ETS1: variants seen among roughly 807,000 people sequenced by gnomAD.
ETS1 encodes ETS proto-oncogene 1, transcription factor.
Under a neutral mutation model 58.6 loss-of-function variants are expected in ETS1, and 15 were observed. The observed-to-expected ratio is 0.26, with a 90% CI of 0.17 to 0.39. The LOEUF is 0.39. Ranked by LOEUF, ETS1 falls within the 10% of genes least tolerant of loss-of-function variation. The pLI is 1.00. For missense variants in ETS1, 417 were observed against 610.5 expected (o/e 0.68, Z 3.34); for synonymous variants, 214 against 218.2 (o/e 0.98, Z 0.17).
Position 128,538,935 on chromosome 11 carries a change from C to T in ETS1, c.214+17356G>A, listed in dbSNP as rs983020875. ...GACATATGTATTTAAAAATCTCTAT[C>T]CACGACAGTGGACAGACAATGGAGA... On this transcript the variant is annotated intron_variant, in intron 3 of 9. Transcript: ENST00000392668. Among the ~76,000 whole-genome samples the T allele has an allele frequency of 3.9e-5, 6 of 152,180 alleles. No individual in the cohort carries two copies. The South Asian group carries it at 6.2e-4, about 16-fold the overall frequency.
intron 3 of ETS1, chr11:128,521,882 T>C (rs765195201): frequency 6.4e-7 from 1 of 1,571,682 alleles, no homozygotes; most frequent in East Asian, 2.4e-5. Context: ...GGCCGAGAGC[T>C]TGGGTGGGGG....
At chr11:128,553,864 G>C (rs888200426) in intron 3 of ETS1, among the ~76,000 whole-genome samples, 1 of 152,132 alleles carries the variant, frequency 6.6e-6, no homozygotes, top group African/African-American at 2.4e-5. Flanking sequence ...GAACGTGAAG[G>C]GGGAGCAGTG....
At chr11:128,510,043 G>A (rs1382636178) in intron 3 of ETS1, among the ~76,000 whole-genome samples, 1 of 152,206 alleles carries the variant, frequency 6.6e-6, no homozygotes, top group East Asian at 1.9e-4. Context: ...GCATCCAGCA[G>A]TTTTGAAGAA....
chr11:128,571,031 G>C (rs1864615489), intron 2 of ETS1, among the ~76,000 whole-genome samples: 1 of 152,084 alleles, frequency 6.6e-6, no homozygotes, highest in African/African-American at 2.4e-5. Flanking sequence ...GAAAAATGTG[G>C]TAAAAACAGC....
chr11:128,523,859 G>A (rs1295146170), intron 3 of ETS1, among the ~76,000 whole-genome samples: 2 of 151,586 alleles, frequency 1.3e-5, no homozygotes, highest in Non-Finnish European at 2.9e-5. Context: ...CTGGTCCTGG[G>A]AAAAGCCTAG....
intron 2 of ETS1, among the ~76,000 whole-genome samples, chr11:128,563,603 G>A (rs1348267502): frequency 1.3e-5 from 2 of 152,132 alleles, no homozygotes; most frequent in African/African-American, 4.8e-5. Context: ...CCTTACGACT[G>A]ACAACCTTCA....
chr11:128,496,658 A>G (rs1862950172), intron 3 of ETS1, among the ~76,000 whole-genome samples: 1 of 152,206 alleles, frequency 6.6e-6, no homozygotes, highest in Admixed American at 6.5e-5. Context: ...ATCTCAGAAG[A>G]ATGTGCAAAG....
chr11:128,538,973 T>C (rs1157029010), intron 3 of ETS1, among the ~76,000 whole-genome samples: 1 of 152,220 alleles, frequency 6.6e-6, no homozygotes, highest in Admixed American at 6.5e-5. Context: ...GAATACTCTT[T>C]TAACAAATAA....
rs753229709 is a variant in ETS1 at position 128,485,079 on chromosome 11, C to T, written c.614-8G>A. On this transcript the variant is annotated splice_region_variant and splice_polypyrimidine_tract_variant and intron_variant, in intron 6 of 9. Transcript: ENST00000392668. Reference sequence around the variant, plus strand: ...CATGCTCAATACCATAGCCTGGAAACAAAGGGTTTGCAAGTAAAGAGAGGA... The same window carrying T: ...CATGCTCAATACCATAGCCTGGAAATAAAGGGTTTGCAAGTAAAGAGAGGA... 56 of 1,606,886 alleles carry T rather than the reference C, an allele frequency of 3.5e-5. No homozygotes were observed.
At chr11:128,560,503 A>G (rs962407065) in intron 2 of ETS1, among the ~76,000 whole-genome samples, 1 of 152,226 alleles carries the variant, frequency 6.6e-6, no homozygotes, top group Non-Finnish European at 1.5e-5. Flanking sequence ...TTAAGAGGTC[A>G]AGTAAATTTC....
intron 3 of ETS1, among the ~76,000 whole-genome samples, chr11:128,548,266 G>C (rs1187439762): frequency 2.6e-5 from 4 of 151,874 alleles, no homozygotes; most frequent in Non-Finnish European, 4.4e-5. Flanking sequence ...GGTAACCTAC[G>C]AAATCAGAGT....
intron 3 of ETS1, chr11:128,521,800 G>A (rs1863678948): frequency 1.3e-6 from 1 of 756,420 alleles, no homozygotes; most frequent in Non-Finnish European, 2.1e-6. Context: ...AGCATCCCCC[G>A]CTCCTGAAGA....
At chr11:128,544,325 GATTA>G (rs1408981295) in intron 3 of ETS1, among the ~76,000 whole-genome samples, 18 of 119,286 alleles carry the variant, frequency 1.5e-4, no homozygotes, top group Admixed American at 3.6e-4. Flanking sequence ...ATGAAAAAGT[GATTA>G]ATTGTTTACT....
chr11:128,469,160 G>A (rs1051424688), intron 8 of ETS1, among the ~76,000 whole-genome samples: 2 of 152,216 alleles, frequency 1.3e-5, no homozygotes, highest in Non-Finnish European at 2.9e-5. Context: ...TCCTTTGGGA[G>A]TTAATTTGCT....
intron 3 of ETS1, chr11:128,522,074 CAG>C (rs1381179994): frequency 3.5e-6 from 5 of 1,413,308 alleles, no homozygotes; most frequent in Non-Finnish European, 4.7e-6. Context: ...GGATTAGTAA[CAG>C]GGGGAAGGGG....
chr11:128,477,517 C>T (rs567672239), intron 8 of ETS1, among the ~76,000 whole-genome samples: 339 of 152,166 alleles, frequency 2.2e-3, no homozygotes, highest in Non-Finnish European at 3.1e-3. Flanking sequence ...TTCCCTAGGA[C>T]GCATCTTAAA....
chr11:128,478,801 C>T (rs1053933043), intron 8 of ETS1, among the ~76,000 whole-genome samples: 11 of 152,134 alleles, frequency 7.2e-5, no homozygotes, highest in African/African-American at 2.4e-4. Flanking sequence ...TCATCCCAGA[C>T]GTTTTTAATG....
chr11:128,556,523 C>T, intron 2 of ETS1, 88 bp from the exon 3 acceptor site: 1 of 843,726 alleles, frequency 1.2e-6, no homozygotes, highest in Non-Finnish European at 1.8e-6. Flanking sequence ...ATTATCCAAT[C>T]ACATGTAAGT....
chr11:128,471,748 T>C (rs190064035), intron 8 of ETS1, among the ~76,000 whole-genome samples: 1 of 152,344 alleles, frequency 6.6e-6, no homozygotes, highest in Admixed American at 6.5e-5. Flanking sequence ...AAGAAAAATC[T>C]TCCTAAGTGT....
Sources: allele counts gnomAD v4.1 joint callset (sites outside exome capture counted in the v4.1 genomes callset), GRCh38; gene constraint gnomAD v4.1.1; transcripts MANE v1.5; gene names NCBI Gene and HGNC (gene_info 2026-07-23, HGNC 2026-07-21).